The following NUCB2 variants were observed in gnomAD, a reference collection of about 807,000 sequenced individuals.
The protein encoded by NUCB2 is nucleobindin-2.
In NUCB2, 48 loss-of-function variants were observed where a neutral mutation model predicts 57.9. The observed-to-expected ratio is 0.83, with a 90% confidence interval of 0.66 to 1.05. The LOEUF (loss-of-function observed/expected upper bound fraction) is 1.05. Ranked by LOEUF, NUCB2 falls within the 50% of genes least tolerant of loss-of-function variation. The pLI is 0.00. For synonymous variants in NUCB2, 139 were observed against 152.1 expected, an observed-to-expected ratio of 0.91 and a Z score of 0.64; for missense variants, 442 against 476.2, an observed-to-expected ratio of 0.93 and a Z score of 0.67.
chr11:17,296,463 T>A (rs1403706824), intron 4 of NUCB2, among the ~76,000 whole-genome samples: 1 of 152,060 alleles, frequency 6.6e-6, no homozygotes, highest in Non-Finnish European at 1.5e-5. Flanking sequence ...TTCCCAGCCC[T>A]TAAGGAACCC....
At chr11:17,303,057 G>A (rs976263829) in intron 5 of NUCB2, among the ~76,000 whole-genome samples, 2 of 151,818 alleles carry the variant, frequency 1.3e-5, no homozygotes, top group Admixed American at 6.6e-5. Context: ...TTTTAATTAC[G>A]TTTTTTAGAG....
At chr11:17,346,674 T>A (rs1952766008) in intron 2 of NUCB2, among the ~76,000 whole-genome samples, 2 of 152,104 alleles carry the variant, frequency 1.3e-5, no homozygotes, top group South Asian at 2.1e-4. Context: ...TTACAAAAAA[T>A]TTGCAAAAAT....
At chr11:17,288,959 A>ATTTTTTTTT (rs532223454) in intron 2 of NUCB2, among the ~76,000 whole-genome samples, 2 of 66,928 alleles carry the variant, frequency 3.0e-5, no homozygotes, top group African/African-American at 1.8e-4. Context: ...ACATATATAT[A>ATTTTTTTTT]TATATTTTTT....
chr11:17,339,742 C>T (rs1297957174), intron 2 of NUCB2, among the ~76,000 whole-genome samples: 1 of 151,984 alleles, frequency 6.6e-6, no homozygotes, highest in African/African-American at 2.4e-5. Context: ...TTTCTTAATC[C>T]AGTCTATCAT....
At chr11:17,315,582 A>G (rs1026748567) in intron 11 of NUCB2, 107 bp downstream of exon 11, 8 of 515,406 alleles carry the variant, frequency 1.6e-5, no homozygotes, top group East Asian at 1.2e-4. Context: ...TAGTCTTACT[A>G]TCTTGGGATT....
chr11:17,326,809 C>A lies in NUCB2; in HGVS notation c.1003-3318C>A, dbSNP rs142232738. Among the ~76,000 whole-genome samples, 4 of 152,084 alleles carry A rather than the reference C, an allele frequency of 2.6e-5. No individual in the cohort carries two copies. In the East Asian group the frequency reaches 7.7e-4, roughly 29 times the overall value. Reference sequence around the variant, plus strand: ...CTTACTGTTAACAGTGACTTTTGTACCTTCAGATGATTTCTTTGTTCTCAT... The same window carrying A: ...CTTACTGTTAACAGTGACTTTTGTAACTTCAGATGATTTCTTTGTTCTCAT... On this transcript the variant is annotated intron_variant, in intron 11 of 13. Coordinates refer to ENST00000529010, the MANE Select transcript of NUCB2 (RefSeq NM_005013.4).
intron 13 of NUCB2, 113 bp from the exon 14 acceptor site, chr11:17,331,299 G>T: frequency 1.9e-6 from 1 of 540,078 alleles, no homozygotes; most frequent in Non-Finnish European, 3.2e-6. Context: ...TTAAAATTGT[G>T]ATCTATGATT....
intron 2 of NUCB2, among the ~76,000 whole-genome samples, chr11:17,285,021 ACATAC>A (rs1943390735): frequency 6.6e-6 from 1 of 152,028 alleles, no homozygotes; most frequent in Non-Finnish European, 1.5e-5. Context: ...CTCAATACAT[ACATAC>A]ATACATACAT....
At chr11:17,323,784 C>G (rs763417476) in intron 11 of NUCB2, among the ~76,000 whole-genome samples, 8 of 152,022 alleles carry the variant, frequency 5.3e-5, no homozygotes, top group Non-Finnish European at 1.0e-4. Flanking sequence ...GGATTTCTTC[C>G]GAATTCAATC....
chr11:17,345,859 T>C (rs1471827173), intron 2 of NUCB2, among the ~76,000 whole-genome samples: 2 of 152,160 alleles, frequency 1.3e-5, no homozygotes, highest in Non-Finnish European at 2.9e-5. Flanking sequence ...AAATAAATAA[T>C]TGGATTTTAA....
chr11:17,304,633 T>G (rs1417328591), intron 5 of NUCB2, among the ~76,000 whole-genome samples: 1 of 152,188 alleles, frequency 6.6e-6, no homozygotes, highest in Non-Finnish European at 1.5e-5. Context: ...AAAAAATTAC[T>G]ATAAACAACA....
At chr11:17,299,628 G>A (rs977742175) in intron 4 of NUCB2, among the ~76,000 whole-genome samples, 1 of 152,144 alleles carries the variant, frequency 6.6e-6, no homozygotes, top group Non-Finnish European at 1.5e-5. Flanking sequence ...AACAAGCCAG[G>A]TGCGGTGGCT....
intron 11 of NUCB2, among the ~76,000 whole-genome samples, chr11:17,317,038 A>G (rs1949342991): frequency 6.6e-6 from 1 of 152,198 alleles, no homozygotes; most frequent in Non-Finnish European, 1.5e-5. Flanking sequence ...GAAGAATGCT[A>G]AGATTATTTG....
At chr11:17,320,156 G>C (rs1949831267) in intron 11 of NUCB2, among the ~76,000 whole-genome samples, 1 of 152,074 alleles carries the variant, frequency 6.6e-6, no homozygotes, top group African/African-American at 2.4e-5. Context: ...CATTTAGGTT[G>C]ATTCTATGTC....
chr11:17,299,280 A>G (rs78484793), intron 4 of NUCB2, among the ~76,000 whole-genome samples: 2,862 of 152,290 alleles, frequency 0.019, 94 homozygotes, highest in African/African-American at 0.065. Flanking sequence ...TGTCCAATTC[A>G]GTAACTCTAG....
In NUCB2 at chr11:17,338,265, T is replaced by C. The variant is rs375808826; in HGVS notation, n.2626+731T>C. Reference sequence around the variant, plus strand: ...GTAGACAAACAATTATATTTCATGTTTTTATATATATATAATTTTCACAGC... The same window carrying C: ...GTAGACAAACAATTATATTTCATGTCTTTATATATATATAATTTTCACAGC... On this transcript the variant is annotated intron_variant and non_coding_transcript_variant, in intron 2 of 2. Coordinates refer to the NUCB2 transcript ENST00000532240. Among the ~76,000 whole-genome samples, 52 of 152,268 alleles carry C rather than the reference T, an allele frequency of 3.4e-4. 1 individual carries two copies. The South Asian group carries it at 0.011, about 31-fold the overall frequency.
chr11:17,327,792 CT>C (rs985308455), intron 11 of NUCB2, among the ~76,000 whole-genome samples: 1 of 152,110 alleles, frequency 6.6e-6, no homozygotes, highest in Non-Finnish European at 1.5e-5. Context: ...ATTTTGATCT[CT>C]TTGTTAAATT....
At chr11:17,311,724 G>A (rs1015267966) in intron 8 of NUCB2, 148 bp from the exon 9 acceptor site, 42 of 533,216 alleles carry the variant, frequency 7.9e-5, no homozygotes, top group Non-Finnish European at 3.7e-5. Context: ...CTGATCTAAA[G>A]CTTCATGACA....
At chr11:17,348,153 G>A (rs527848575) in intron 2 of NUCB2, among the ~76,000 whole-genome samples, 2 of 151,630 alleles carry the variant, frequency 1.3e-5, no homozygotes, top group East Asian at 3.9e-4. Context: ...TTGCTATGTT[G>A]GCCAGTTGGT....
Sources: gnomAD v4.1 joint callset for allele counts (sites outside exome capture counted in the v4.1 genomes callset) on GRCh38, gnomAD v4.1.1 for gene constraint, MANE v1.5 for transcripts, NCBI Gene and HGNC (gene_info 2026-07-23, HGNC 2026-07-21) for gene names.